Variants in FYB2 observed in about 807,000 individuals in gnomAD.
FYB2 encodes FYN binding protein 2, also known as FYN-binding protein 2.
In FYB2, 103 loss-of-function variants were observed where a neutral mutation model predicts 94.1. The ratio of observed to expected loss-of-function variants is 1.09; its 90% CI spans 0.93 to 1.29. The LOEUF (loss-of-function observed/expected upper bound fraction) is 1.29. Ranked by LOEUF, FYB2 falls within the 50% of genes most tolerant of loss-of-function variation. FYB2 has a pLI of 0.00. For missense variants in FYB2, 896 were observed against 841.5 expected (o/e 1.06, Z -0.80); for synonymous variants, 293 against 287.9 (o/e 1.02, Z -0.18).
At chr1:56,798,340 C>T (rs532915710) in intron 1 of FYB2, among the ~76,000 whole-genome samples, 5 of 152,296 alleles carry the variant, frequency 3.3e-5, no homozygotes, top group African/African-American at 1.2e-4. Flanking sequence ...CTGGGAAGTA[C>T]AGGCCAAAAC....
intron 4 of FYB2, among the ~76,000 whole-genome samples, chr1:56,770,043 G>A (rs1454090213): frequency 6.6e-6 from 1 of 151,950 alleles, no homozygotes; most frequent in Non-Finnish European, 1.5e-5. Flanking sequence ...AAATGAGAAA[G>A]GGTACACACG....
upstream of FYB2, among the ~76,000 whole-genome samples, chr1:56,822,220 C>T (rs1321916004): frequency 6.6e-6 from 1 of 152,188 alleles, no homozygotes; most frequent in South Asian, 2.1e-4. Flanking sequence ...TAAGTCTCCT[C>T]TTCAGGTAAC....
intron 2 of FYB2, among the ~76,000 whole-genome samples, chr1:56,790,986 T>C (rs1222601609): frequency 6.6e-6 from 1 of 152,112 alleles, no homozygotes; most frequent in Non-Finnish European, 1.5e-5. Flanking sequence ...ATCTAGTGTG[T>C]TGACTATGGG....
intron 1 of FYB2, among the ~76,000 whole-genome samples, chr1:56,817,338 T>C (rs1646907466): frequency 6.6e-6 from 1 of 152,222 alleles, no homozygotes; most frequent in Non-Finnish European, 1.5e-5. Context: ...ACACAGCCCA[T>C]TAATTCCTAT....
chr1:56,720,443 TA>T (rs147968769), intron 17 of FYB2, 114 bp from the exon 18 acceptor site: 38,629 of 932,578 alleles, frequency 0.041, 1,213 homozygotes, highest in South Asian at 0.13. Flanking sequence ...TACTATTGAC[TA>T]GTTAAATAAC....
chr1:56,791,053 A>G (rs980734912), intron 2 of FYB2, among the ~76,000 whole-genome samples: 10 of 152,118 alleles, frequency 6.6e-5, no homozygotes, highest in African/African-American at 2.4e-4. Flanking sequence ...AGGGACCAGC[A>G]TGCAGGGCCA....
chr1:56,742,011 C>A, intron 12 of FYB2, 150 bp downstream of exon 12: 1 of 647,480 alleles, frequency 1.5e-6, no homozygotes, highest in Non-Finnish European at 2.8e-6. Flanking sequence ...TATCATAACT[C>A]TCAGTGTGAA....
chr1:56,756,360 C>T (rs539587248), intron 6 of FYB2, among the ~76,000 whole-genome samples: 1 of 152,194 alleles, frequency 6.6e-6, no homozygotes, highest in African/African-American at 2.4e-5. Flanking sequence ...GTGATCACCG[C>T]TCAAATCTTG....
intron 4 of FYB2, among the ~76,000 whole-genome samples, chr1:56,774,201 T>C (rs2100852268): frequency 6.6e-6 from 1 of 152,260 alleles, no homozygotes; most frequent in African/African-American, 2.4e-5. Context: ...TAGAGCAGAA[T>C]GATTCAGAGA....
intron 7 of FYB2, 96 bp from the exon 8 acceptor site, chr1:56,754,031 G>T: frequency 1.3e-6 from 1 of 742,176 alleles, no homozygotes; most frequent in Non-Finnish European, 2.3e-6. Flanking sequence ...GGGAAAAATA[G>T]ATTTGAACAA....
At chr1:56,807,663 A>C (rs2101060568) in intron 1 of FYB2, among the ~76,000 whole-genome samples, 1 of 152,320 alleles carries the variant, frequency 6.6e-6, no homozygotes, top group East Asian at 1.9e-4. Context: ...CACTTCAGAG[A>C]TAGAACCTCA....
chr1:56,817,740 A>G (rs1458297239), intron 1 of FYB2, among the ~76,000 whole-genome samples: 1 of 152,180 alleles, frequency 6.6e-6, no homozygotes, highest in Non-Finnish European at 1.5e-5. Flanking sequence ...TCTCTCTCTG[A>G]GCAGTGAAAG....
intron 5 of FYB2, among the ~76,000 whole-genome samples, chr1:56,763,485 G>A (rs1445288214): frequency 1.3e-5 from 2 of 152,092 alleles, no homozygotes; most frequent in African/African-American, 4.8e-5. Flanking sequence ...GGTAATTTGT[G>A]CTTTTTGAGG....
At chr1:56,733,398 T>G (rs963522083) in intron 15 of FYB2, among the ~76,000 whole-genome samples, 1 of 152,128 alleles carries the variant, frequency 6.6e-6, no homozygotes, top group Non-Finnish European at 1.5e-5. Flanking sequence ...GATTCATTGA[T>G]TTTTTGAAGG....
chr1:56,740,922 C>T, intron 12 of FYB2, 127 bp from the exon 13 acceptor site: 1 of 542,622 alleles, frequency 1.8e-6, no homozygotes, highest in South Asian at 3.0e-5. Context: ...AATAGGTATA[C>T]ATGGTCATAA....
intron 15 of FYB2, among the ~76,000 whole-genome samples, chr1:56,729,412 G>A (rs956546611): frequency 6.6e-6 from 1 of 152,066 alleles, no homozygotes; most frequent in Non-Finnish European, 1.5e-5. Flanking sequence ...TAGGGTTTCA[G>A]CCTGAGCAAC....
At chr1:56,742,281 T>C in intron 11 of FYB2, 60 bp from the exon 12 acceptor site, 1 of 1,333,722 alleles carries the variant, frequency 7.5e-7, no homozygotes, top group Non-Finnish European at 1.0e-6. Flanking sequence ...CAGATTCATA[T>C]TTAACAAAAA....
chr1:56,783,690 AC>A (rs1301284437), intron 4 of FYB2, among the ~76,000 whole-genome samples: 1 of 152,066 alleles, frequency 6.6e-6, no homozygotes. Context: ...AAATAAATAA[AC>A]AAAGAAGCGT....
At chr1:56,730,845 G>T (rs1421202773) in intron 15 of FYB2, among the ~76,000 whole-genome samples, 1 of 151,980 alleles carries the variant, frequency 6.6e-6, no homozygotes, top group Non-Finnish European at 1.5e-5. Flanking sequence ...GAAAATTACA[G>T]GTCGATATCC....
Sources: gnomAD v4.1 joint callset for allele counts (sites outside exome capture counted in the v4.1 genomes callset) on GRCh38, gnomAD v4.1.1 for gene constraint, MANE v1.5 for transcripts, NCBI Gene and HGNC (gene_info 2026-07-23, HGNC 2026-07-21) for gene names.